The following MTSS1 variants were observed in gnomAD, a reference collection of about 807,000 sequenced individuals.
MTSS1 encodes protein MTSS 1.
A neutral mutation model predicts 79.0 loss-of-function variants in MTSS1; 18 were observed. The ratio of observed to expected loss-of-function variants is 0.23; its 90% confidence interval spans 0.16 to 0.34. The LOEUF is 0.34. Among genes scored for constraint, MTSS1 ranks in the 10% least tolerant of loss-of-function variants. The pLI is 1.00. For synonymous variants in MTSS1, 341 were observed against 368.6 expected, an observed-to-expected ratio of 0.93 and a Z score of 0.86; for missense variants, 815 against 986.2, an observed-to-expected ratio of 0.83 and a Z score of 2.33.
At chr8:124,724,489 C>T (rs1338347935) in intron 1 of MTSS1, among the ~76,000 whole-genome samples, 3 of 152,174 alleles carry the variant, frequency 2.0e-5, no homozygotes, top group Non-Finnish European at 4.4e-5. Flanking sequence ...CTCCTAACCT[C>T]GTACAAAGTT....
rs1826474993 is a variant in MTSS1 at position 124,683,562 on chromosome 8, G to A, written c.208+15964C>T. On this transcript the variant is annotated intron_variant, in intron 3 of 13. Transcript: ENST00000518547. This position sits in a 1 kb window ranked among gnomAD's most constrained non-coding sequence, Gnocchi z 4.5. The stretch of plus-strand genomic sequence containing the variant: ...AAACCTCAACTGGAGGCCAGAGGTG[G>A]GACACGCCCTAGGAAGCATCCAGAC... Among the ~76,000 whole-genome samples the A allele has an allele frequency of 6.6e-6, 1 of 152,168 alleles. No homozygotes were observed. The highest frequency in any genetic ancestry group is 2.4e-5 in the African/African-American group (1 of 41,432).
Position 124,585,136 on chromosome 8 carries a change from T to G in MTSS1, c.411A>C (p.Ile137=), listed in dbSNP as rs746558273. The change falls in exon 6 of 14, where the codon ATA becomes ATC. Residue 137 remains isoleucine, a synonymous_variant. Coordinates refer to ENST00000518547, the MANE Select transcript of MTSS1 (RefSeq NM_014751.6). ...AKEYKKARQE[I]KKKSSDTLKL... The stretch of plus-strand genomic sequence containing the variant: ...TCAGCGTATCCGAGGACTTCTTTTT[T>G]ATCTCTTGGCGGGCTTTCTTATATT... The G allele has an allele frequency of 4.3e-6, 7 of 1,613,788 alleles. No homozygotes were observed. The highest frequency in any genetic ancestry group is 1.3e-5 in the African/African-American group (1 of 75,016).
Position 124,571,568 on chromosome 8 carries a change from C to T in MTSS1, c.461-3032G>A, listed in dbSNP as rs998251536. On this transcript the variant is annotated intron_variant, in intron 6 of 13. Coordinates refer to ENST00000518547, the MANE Select transcript of MTSS1 (RefSeq NM_014751.6). ...ACCACCTCAGAATGTTCTCAACTCT[C>T]GTGTAGGATGGTGAACAGAAGTCGG... Among the ~76,000 whole-genome samples the T allele has an allele frequency of 3.3e-5, 5 of 152,136 alleles. No homozygotes were observed. In the East Asian group the frequency reaches 7.7e-4, roughly 24 times the overall value.
intron 3 of MTSS1, among the ~76,000 whole-genome samples, chr8:124,670,267 AG>A (rs1823877817): frequency 6.6e-6 from 1 of 152,208 alleles, no homozygotes; most frequent in African/African-American, 2.4e-5. Context: ...GCAACCAAAC[AG>A]AGGGAACAGC....
chr8:124,664,232 G>A (rs190890817), intron 3 of MTSS1, among the ~76,000 whole-genome samples: 3 of 152,268 alleles, frequency 2.0e-5, no homozygotes, highest in Admixed American at 1.3e-4. Context: ...AACCACAGGC[G>A]TAAGTTCAAC....
intron 3 of MTSS1, among the ~76,000 whole-genome samples, chr8:124,594,100 T>A (rs1057254705): frequency 6.6e-6 from 1 of 152,198 alleles, no homozygotes; most frequent in South Asian, 2.1e-4. Flanking sequence ...AGAATTATGA[T>A]GTTGGAAAAG....
chr8:124,660,694 G>A (rs1383360452), intron 3 of MTSS1, among the ~76,000 whole-genome samples: 2 of 152,172 alleles, frequency 1.3e-5, no homozygotes, highest in East Asian at 1.9e-4. Flanking sequence ...ATATTTCTAC[G>A]AAGCTTGTTC....
intron 3 of MTSS1, among the ~76,000 whole-genome samples, chr8:124,617,809 T>A (rs1338286714): frequency 6.6e-6 from 1 of 152,222 alleles, no homozygotes; most frequent in Non-Finnish European, 1.5e-5. Flanking sequence ...AACCTGGTGC[T>A]AAGCAACGTC....
intron 10 of MTSS1, among the ~76,000 whole-genome samples, 178 bp downstream of exon 10, chr8:124,562,604 T>C (rs1229850110): frequency 1.3e-5 from 2 of 152,162 alleles, no homozygotes; most frequent in Non-Finnish European, 2.9e-5. Flanking sequence ...TCAAACCCAC[T>C]TATAGCACCT....
chr8:124,610,377 A>C (rs1476614832), intron 3 of MTSS1, among the ~76,000 whole-genome samples: 2 of 152,190 alleles, frequency 1.3e-5, no homozygotes, highest in African/African-American at 4.8e-5. Flanking sequence ...CTGAAGCTTC[A>C]GGTCCCCTTA....
intron 3 of MTSS1, among the ~76,000 whole-genome samples, chr8:124,682,228 T>C (rs1288635176): frequency 1.4e-5 from 1 of 69,924 alleles, no homozygotes; most frequent in Non-Finnish European, 2.7e-5. Context: ...GGGTTGTCTT[T>C]AAGTGAAGTC....
intron 6 of MTSS1, among the ~76,000 whole-genome samples, chr8:124,581,774 C>A (rs1467494740): frequency 6.6e-6 from 1 of 152,166 alleles, no homozygotes; most frequent in Non-Finnish European, 1.5e-5. Flanking sequence ...TTTTAATTCA[C>A]ATTGATAGTA....
chr8:124,592,187 A>G (rs186769846), intron 3 of MTSS1, among the ~76,000 whole-genome samples: 274 of 152,286 alleles, frequency 1.8e-3, no homozygotes, highest in African/African-American at 6.4e-3. Flanking sequence ...CGAAATTCTC[A>G]TCATACTTTT....
At chr8:124,575,797 A>G (rs775667765) in intron 6 of MTSS1, among the ~76,000 whole-genome samples, 5 of 152,168 alleles carry the variant, frequency 3.3e-5, no homozygotes, top group Non-Finnish European at 5.9e-5. Context: ...GCCAACCTGC[A>G]GCTCACCATC....
At chr8:124,658,357 C>T (rs897661438) in intron 3 of MTSS1, among the ~76,000 whole-genome samples, 4 of 152,256 alleles carry the variant, frequency 2.6e-5, no homozygotes, top group East Asian at 1.9e-4. Flanking sequence ...TTCTCTCTTG[C>T]CTGCCACCAT....
chr8:124,685,666 A>T (rs758001978), intron 3 of MTSS1, among the ~76,000 whole-genome samples: 6 of 152,204 alleles, frequency 3.9e-5, no homozygotes, highest in Admixed American at 6.5e-5. Flanking sequence ...GACAGCCAAA[A>T]ACCCCACATT....
chr8:124,617,662 G>A (rs1030871237), intron 3 of MTSS1, among the ~76,000 whole-genome samples: 9 of 152,154 alleles, frequency 5.9e-5, no homozygotes, highest in African/African-American at 2.2e-4. Flanking sequence ...CAAGCCCCTG[G>A]GCACCCTCTG....
At chr8:124,655,544 C>T (rs987214637) in intron 3 of MTSS1, among the ~76,000 whole-genome samples, 9 of 152,178 alleles carry the variant, frequency 5.9e-5, no homozygotes, top group African/African-American at 1.9e-4. Context: ...CCACGCCATG[C>T]GCAGGAGCCC....
At chr8:124,687,939 A>C (rs904739634) in intron 3 of MTSS1, among the ~76,000 whole-genome samples, 1 of 152,218 alleles carries the variant, frequency 6.6e-6, no homozygotes, top group African/African-American at 2.4e-5. Context: ...AGGCAGGAAG[A>C]AGCAGCATTG....
Sources: gnomAD v4.1 joint callset for allele counts (sites outside exome capture counted in the v4.1 genomes callset) on GRCh38, gnomAD v4.1.1 for gene constraint, Gnocchi (gnomAD v3.1) non-coding constraint, MANE v1.5 for transcripts, NCBI Gene and HGNC (gene_info 2026-07-23, HGNC 2026-07-21) for gene names.